DSN1: variants seen among roughly 807,000 people sequenced by gnomAD.
DSN1 encodes the protein DSN1 component of MIS12 kinetochore complex, also known as kinetochore-associated protein DSN1 homolog.
DSN1 carries 31 observed loss-of-function variants against 45.7 expected under a neutral mutation model. The observed-to-expected ratio is 0.68, with a 90% confidence interval of 0.51 to 0.92. The LOEUF (loss-of-function observed/expected upper bound fraction) is 0.92, where lower values mean the gene tolerates loss of function less well. Ranked by LOEUF, DSN1 falls within the 40% of genes least tolerant of loss-of-function variation. The pLI is 0.00. For missense variants in DSN1, 394 were observed against 414.2 expected (o/e 0.95, Z 0.42); for synonymous variants, 134 against 142.3 (o/e 0.94, Z 0.41).
chr20:36,756,717 A>G (rs1319129337), intron 8 of DSN1, among the ~76,000 whole-genome samples: 2 of 150,758 alleles, frequency 1.3e-5, no homozygotes, highest in Non-Finnish European at 2.9e-5. Context: ...GACTTGCCCA[A>G]GGTCACAAAA....
intron 5 of DSN1, among the ~76,000 whole-genome samples, chr20:36,763,863 G>A (rs1293145790): frequency 1.0e-5 from 1 of 99,626 alleles, no homozygotes; most frequent in Non-Finnish European, 1.9e-5. Flanking sequence ...CTCCAGCCTG[G>A]CAACAGAGCA....
chr20:36,767,392 A>C (rs1168095256), intron 4 of DSN1, among the ~76,000 whole-genome samples: 1 of 152,102 alleles, frequency 6.6e-6, no homozygotes, highest in Non-Finnish European at 1.5e-5. Flanking sequence ...TCAGGAAAAA[A>C]AAAAGGTTAT....
At chr20:36,760,409 G>T (rs1053154042) in intron 6 of DSN1, among the ~76,000 whole-genome samples, 5 of 152,026 alleles carry the variant, frequency 3.3e-5, no homozygotes, top group Non-Finnish European at 7.4e-5. Context: ...AAATGAGTGG[G>T]GTAATTAATT....
chr20:36,763,545 G>C (rs1322416475), intron 5 of DSN1, among the ~76,000 whole-genome samples: 1 of 151,626 alleles, frequency 6.6e-6, no homozygotes, highest in Non-Finnish European at 1.5e-5. Flanking sequence ...GATTGCTTGA[G>C]CCCAGCACAG....
chr20:36,764,883 G>A (rs988178114), intron 5 of DSN1, among the ~76,000 whole-genome samples: 8 of 149,302 alleles, frequency 5.4e-5, no homozygotes, highest in Non-Finnish European at 1.0e-4. Context: ...TCGCACCACT[G>A]TACTCCACCC....
intron 7 of DSN1, 71 bp downstream of exon 7, chr20:36,758,487 A>AT: frequency 1.5e-6 from 2 of 1,360,166 alleles, no homozygotes; most frequent in Non-Finnish European, 2.1e-6. Flanking sequence ...CTTACTATTC[A>AT]TTTTTTCCAA....
chr20:36,761,116 ATTCAAGAGCCATG>A (rs1489831039), intron 6 of DSN1, among the ~76,000 whole-genome samples: 1 of 152,148 alleles, frequency 6.6e-6, no homozygotes, highest in African/African-American at 2.4e-5. Context: ...TTCTGCTAAT[ATTCAAGAGCCATG>A]TTCTTTGGCT....
rs1361542840 is a variant in DSN1, at chr20:36,755,767, G to C, written c.788C>G (p.Ser263Cys). 1.2e-6 allele frequency: 2 copies of C among 1,614,016 alleles called. No homozygotes were observed. Among genetic ancestry groups the C allele is most frequent in the South Asian group, 2.2e-5 (2 of 91,074 alleles). The change falls in exon 9 of 11, where the codon TCT becomes TGT. Residue 263 changes from serine to cysteine, a missense_variant. Coordinates refer to ENST00000373750, the MANE Select transcript of DSN1 (RefSeq NM_001145315.2). ...TTTTGTATTAAGAACTTCATTCTGA[G>C]AAGACCCAAGATATGTCATAGGTTC... ...KVEPMTYLGS[S>C]QNEVLNTKPD...
At chr20:36,755,533 T>G in intron 9 of DSN1, 149 bp downstream of exon 9, 1 of 939,554 alleles carries the variant, frequency 1.1e-6, no homozygotes, top group Non-Finnish European at 1.5e-6. Flanking sequence ...TGTTTATTAT[T>G]TTTTAATTGT....
At chr20:36,768,699 C>T (rs1331949162) in intron 3 of DSN1, among the ~76,000 whole-genome samples, 3 of 152,152 alleles carry the variant, frequency 2.0e-5, no homozygotes, top group African/African-American at 7.2e-5. Flanking sequence ...TTTTATAGGA[C>T]AGGCACTGCA....
chr20:36,755,844 C>G lies in DSN1; in HGVS notation c.726-15G>C, dbSNP rs376610938. The G allele has an allele frequency of 3.7e-6, 6 of 1,601,434 alleles. No homozygotes were observed. The highest frequency in any genetic ancestry group is 3.6e-5 in the Admixed American group (2 of 55,868). Reference sequence around the variant, plus strand: ...CAGTTGATCCTCTAAAAACAAAACACAAGAGCTTTTGAGAGATTCTGTAAT... The same window carrying G: ...CAGTTGATCCTCTAAAAACAAAACAGAAGAGCTTTTGAGAGATTCTGTAAT... On this transcript the variant is annotated splice_polypyrimidine_tract_variant and intron_variant, in intron 8 of 10. Transcript: ENST00000373750.
chr20:36,764,508 G>GT (rs1987205029), intron 5 of DSN1, among the ~76,000 whole-genome samples: 1 of 152,092 alleles, frequency 6.6e-6, no homozygotes, highest in Non-Finnish European at 1.5e-5. Flanking sequence ...TAGCAGAATA[G>GT]GTACTTCCTA....
chr20:36,771,990 C>T (rs1987673981), intron 1 of DSN1, among the ~76,000 whole-genome samples: 4 of 151,722 alleles, frequency 2.6e-5, no homozygotes. Context: ...AGGTGATTCT[C>T]CTGCCTCAGC....
intron 4 of DSN1, among the ~76,000 whole-genome samples, 158 bp from the exon 5 acceptor site, chr20:36,766,999 A>AG (rs1449723813): frequency 6.6e-6 from 1 of 151,826 alleles, no homozygotes; most frequent in African/African-American, 2.4e-5. Flanking sequence ...TAAATAGATA[A>AG]GGGAAAAAAA....
chr20:36,755,694 ACAGT>A lies in DSN1; in HGVS notation c.857_860del (p.Asp286ValfsTer5), dbSNP rs776981207. 58 of 1,613,600 alleles carry A rather than the reference ACAGT, an allele frequency of 3.6e-5. No individual in the cohort carries two copies. Among genetic ancestry groups the A allele is most frequent in the Non-Finnish European group, 4.9e-5 (58 of 1,179,826 alleles). ...TGAGCCCACTTACCACCAACTCCAT[ACAGT>A]CAAAGACTTTGCTCTGGTTCTGTAA... On this transcript the variant is annotated frameshift_variant, in exon 9 of 11. Coordinates refer to ENST00000373750, the MANE Select transcript of DSN1 (RefSeq NM_001145315.2). LOFTEE classifies it high-confidence loss of function.
At position 36,751,867 on chromosome 20, in the gene DSN1, G is replaced by A. The variant is rs1435488736; in HGVS notation, c.*921C>T. On this transcript the variant is annotated 3_prime_UTR_variant, in exon 11 of 11. Transcript: ENST00000373750. ...TTATAAACAAATAGAACAATGAATA[G>A]TAGTACTTACTCCTTTCTTGTCATG... The A allele has an allele frequency of 6.6e-6, 1 of 151,904 alleles. No homozygotes were observed. The allele number at this position is 151,904 out of a possible 1,614,324, so 9.4% of individuals were successfully genotyped here.
chr20:36,770,996 G>C lies in DSN1; in HGVS notation c.232C>G (p.Leu78Val). 1 of 1,614,168 alleles carries C rather than the reference G, an allele frequency of 6.2e-7. No homozygotes were observed. The highest frequency in any genetic ancestry group is 1.3e-5 in the African/African-American group (1 of 75,036). ...GATTGTTCTTGAGGAGACAAATGAA[G>C]GGACTTCGACTGAAGTCTTTCCTGG... ...SHQERLQSKSLHLSPQEQSAS... is the reference protein window; with the variant it reads ...SHQERLQSKSVHLSPQEQSAS... The change falls in exon 3 of 11, where the codon CTT (leucine) becomes GTT (valine). Residue 78 changes from leucine to valine, a missense_variant. Coordinates refer to ENST00000373750, the MANE Select transcript of DSN1 (RefSeq NM_001145315.2).
At chr20:36,772,968 T>A (rs916261373) in intron 1 of DSN1, among the ~76,000 whole-genome samples, 1 of 152,170 alleles carries the variant, frequency 6.6e-6, no homozygotes, top group Non-Finnish European at 1.5e-5. Context: ...GTCCCCTCCC[T>A]CCCAGCAGAA....
chr20:36,761,444 G>A (rs1601010383), intron 6 of DSN1, among the ~76,000 whole-genome samples: 2 of 152,140 alleles, frequency 1.3e-5, no homozygotes, highest in Admixed American at 6.6e-5. Context: ...TACATAAGAC[G>A]CTGAATCCGC....
Sources: allele counts gnomAD v4.1 joint callset (sites outside exome capture counted in the v4.1 genomes callset), GRCh38; gene constraint gnomAD v4.1.1; transcripts MANE v1.5; gene names NCBI Gene and HGNC (gene_info 2026-07-23, HGNC 2026-07-21).